Variants in GRM5 observed in about 807,000 individuals in gnomAD.
GRM5 encodes metabotropic glutamate receptor 5.
GRM5 carries 19 observed loss-of-function variants against 83.1 expected under a neutral mutation model. The ratio of observed to expected loss-of-function variants is 0.23; its 90% CI spans 0.16 to 0.34. The LOEUF is 0.34. Ranked by LOEUF, GRM5 falls within the 10% of genes least tolerant of loss-of-function variation. GRM5 has a pLI of 1.00. For missense variants in GRM5, 1,160 were observed against 1,588.3 expected (o/e 0.73, Z 4.58); for synonymous variants, 675 against 633.6 (o/e 1.07, Z -0.98).
intron 2 of GRM5, among the ~76,000 whole-genome samples, chr11:88,924,158 C>A (rs1945745455): frequency 6.7e-6 from 1 of 149,238 alleles, no homozygotes; most frequent in Admixed American, 6.6e-5. Flanking sequence ...AAGAAATAAT[C>A]ATTGTTAGCC....
At chr11:88,990,827 A>C (rs898664580) in intron 2 of GRM5, among the ~76,000 whole-genome samples, 5 of 151,868 alleles carry the variant, frequency 3.3e-5, no homozygotes, top group African/African-American at 1.2e-4. Context: ...TCATGCTAAA[A>C]ACTCTCAATA....
intron 3 of GRM5, among the ~76,000 whole-genome samples, chr11:88,768,788 G>A (rs972351031): frequency 1.1e-4 from 17 of 151,876 alleles, no homozygotes; most frequent in African/African-American, 3.9e-4. Flanking sequence ...AGGAGTTATT[G>A]AAGATGGACC....
chr11:89,022,413 G>A (rs1393359405), intron 2 of GRM5, among the ~76,000 whole-genome samples: 4 of 151,670 alleles, frequency 2.6e-5, no homozygotes, highest in East Asian at 3.9e-4. Flanking sequence ...GAGGCCAAGG[G>A]GGGCAGGTCA....
Position 88,567,648 on chromosome 11 carries a change from T to C in GRM5, c.2035A>G (p.Lys679Glu), listed in dbSNP as rs535171939. The stretch of plus-strand genomic sequence containing the variant: ...AATCTGGGCTTTTTGGTACAGATCT[T>C]CTTCTTGCTGCCAGCCAGGATCCTT... Reference protein sequence around the residue: ...IARILAGSKKKICTKKPRFMS... With the variant: ...IARILAGSKKEICTKKPRFMS... Residue 679 changes from lysine (K) to glutamate (E), a missense_variant, in exon 8 of 10, where the codon AAG becomes GAG. Lys to Glu is a moderately conservative substitution (Grantham distance 56). This residue lies in a region of GRM5 where 132 missense variants were observed against 245.5 expected (regional missense o/e 0.54). Transcript: ENST00000305447. The surrounding 1 kb of genome is among the most constrained non-coding windows in gnomAD (Gnocchi z 7.3). 1 of 1,614,128 alleles carries C rather than the reference T, an allele frequency of 6.2e-7. No individual in the cohort carries two copies. Among genetic ancestry groups the C allele is most frequent in the East Asian group, 2.2e-5 (1 of 44,872 alleles).
intron 2 of GRM5, among the ~76,000 whole-genome samples, chr11:88,930,183 A>T (rs1330041208): frequency 6.6e-6 from 1 of 152,050 alleles, no homozygotes; most frequent in Non-Finnish European, 1.5e-5. Flanking sequence ...CGGAAGAGAA[A>T]GGATTGCTTG....
chr11:88,645,228 A>G (rs1324859021), intron 4 of GRM5, among the ~76,000 whole-genome samples: 1 of 152,126 alleles, frequency 6.6e-6, no homozygotes, highest in Non-Finnish European at 1.5e-5. Flanking sequence ...AAAAATGGGG[A>G]AGTATATCTG....
At chr11:88,645,382 G>A (rs1046771603) in intron 4 of GRM5, among the ~76,000 whole-genome samples, 1 of 152,088 alleles carries the variant, frequency 6.6e-6, no homozygotes, top group Admixed American at 6.6e-5. Context: ...ACTGATACAT[G>A]TCTTGAAGTG....
chr11:89,028,082 C>A (rs780494791), intron 2 of GRM5, among the ~76,000 whole-genome samples: 3 of 152,146 alleles, frequency 2.0e-5, no homozygotes, highest in Non-Finnish European at 2.9e-5. Context: ...AATCTGCCAG[C>A]GTCTTGATAC....
At chr11:88,691,486 G>A (rs1280883959) in intron 3 of GRM5, among the ~76,000 whole-genome samples, 1 of 152,162 alleles carries the variant, frequency 6.6e-6, no homozygotes, top group Non-Finnish European at 1.5e-5. Context: ...ATATAGCAAA[G>A]ATTTCACCTA....
chr11:88,529,954 A>G (rs935713533), intron 8 of GRM5, among the ~76,000 whole-genome samples: 1 of 152,000 alleles, frequency 6.6e-6, no homozygotes, highest in Non-Finnish European at 1.5e-5. Context: ...TTGATTTGAG[A>G]TGCTGGTGGG....
chr11:88,861,992 G>C (rs1375307425), intron 2 of GRM5, among the ~76,000 whole-genome samples: 1 of 152,114 alleles, frequency 6.6e-6, no homozygotes, highest in Non-Finnish European at 1.5e-5. Context: ...TTTAGAAAAT[G>C]AGCAGCAATT....
intron 3 of GRM5, among the ~76,000 whole-genome samples, chr11:88,831,573 AC>A (rs1426372143): frequency 1.3e-5 from 2 of 152,066 alleles, no homozygotes; most frequent in Non-Finnish European, 2.9e-5. Context: ...AGTATCCCTC[AC>A]CCAGTGCCTG....
chr11:88,774,572 C>T (rs377411232), intron 3 of GRM5, among the ~76,000 whole-genome samples: 4 of 152,210 alleles, frequency 2.6e-5, no homozygotes, highest in Middle Eastern at 3.4e-3. Context: ...TTCAGTATGA[C>T]ATTGGCTGTG....
chr11:88,808,725 T>C (rs984062657), intron 3 of GRM5, among the ~76,000 whole-genome samples: 2 of 151,950 alleles, frequency 1.3e-5, no homozygotes, highest in African/African-American at 4.8e-5. Context: ...CCTTAACAGC[T>C]TCTCTTTTTC....
intron 5 of GRM5, among the ~76,000 whole-genome samples, chr11:88,598,414 C>T (rs1937881489): frequency 1.3e-5 from 2 of 151,996 alleles, no homozygotes; most frequent in South Asian, 4.1e-4. Context: ...TCTGTTTTCA[C>T]TCCCAGTCAC....
At chr11:88,847,937 G>A (rs1246853131) in intron 3 of GRM5, among the ~76,000 whole-genome samples, 1 of 152,116 alleles carries the variant, frequency 6.6e-6, no homozygotes, top group African/African-American at 2.4e-5. Flanking sequence ...AGTGTACATG[G>A]GATCAAAGAA....
chr11:88,838,103 A>AAAAAAAAAAAAAAT (rs1479683398), intron 3 of GRM5, among the ~76,000 whole-genome samples: 1 of 149,302 alleles, frequency 6.7e-6, no homozygotes, highest in South Asian at 2.1e-4. Context: ...AAAAAAAAAA[A>AAAAAAAAAAAAAAT]AAAAAAGATA....
chr11:88,774,527 C>T (rs1183329513), intron 3 of GRM5, among the ~76,000 whole-genome samples: 4 of 152,262 alleles, frequency 2.6e-5, no homozygotes, highest in East Asian at 3.9e-4. Context: ...TGTCTTATGT[C>T]GGTTTTCAAA....
At chr11:88,730,677 C>T (rs910101961) in intron 3 of GRM5, among the ~76,000 whole-genome samples, 3 of 152,096 alleles carry the variant, frequency 2.0e-5, no homozygotes, top group Non-Finnish European at 4.4e-5. Context: ...CCATGGAATA[C>T]TATGAAGCCA....
Sources: allele counts gnomAD v4.1 joint callset (sites outside exome capture counted in the v4.1 genomes callset), GRCh38; gene constraint gnomAD v4.1.1; regional missense constraint gnomAD v4.1.1; non-coding constraint Gnocchi (gnomAD v3.1); transcripts MANE v1.5; gene names NCBI Gene and HGNC (gene_info 2026-07-23, HGNC 2026-07-21).